Variants in LSAMP observed in about 807,000 individuals in gnomAD.
LSAMP encodes the protein limbic system-associated membrane protein.
A neutral mutation model predicts 38.6 loss-of-function variants in LSAMP; 7 were observed. The observed-to-expected ratio is 0.18, with a 90% confidence interval of 0.10 to 0.34. LSAMP has a LOEUF of 0.34. Among genes scored for constraint, LSAMP ranks in the 10% least tolerant of loss-of-function variants. LSAMP has a pLI of 1.00. For synonymous variants in LSAMP, 154 were observed against 166.8 expected (o/e 0.92, Z 0.59); for missense variants, 313 against 420.0 (o/e 0.75, Z 2.23).
At chr3:116,325,572 A>C (rs1355782457) in intron 1 of LSAMP, among the ~76,000 whole-genome samples, 1 of 152,184 alleles carries the variant, frequency 6.6e-6, no homozygotes, top group Non-Finnish European at 1.5e-5. Flanking sequence ...CAAAGCTGAA[A>C]TGACATATAT....
At chr3:116,320,317 G>A (rs1043090325) in intron 1 of LSAMP, among the ~76,000 whole-genome samples, 2 of 152,124 alleles carry the variant, frequency 1.3e-5, no homozygotes, top group Admixed American at 1.3e-4. Context: ...GGAGCCTGAG[G>A]CAGGAGAACT....
At chr3:115,818,822 A>ATATATAT (rs55828725) in intron 6 of LSAMP, among the ~76,000 whole-genome samples, 26 of 125,134 alleles carry the variant, frequency 2.1e-4, no homozygotes, top group Non-Finnish European at 2.9e-4. Context: ...ATATATATAT[A>ATATATAT]ACTGCAGCAA....
chr3:115,876,666 G>A (rs1256993273), intron 3 of LSAMP, among the ~76,000 whole-genome samples: 1 of 151,982 alleles, frequency 6.6e-6, no homozygotes, highest in African/African-American at 2.4e-5. Context: ...TCCTCATCCA[G>A]CGCTTTCTAG....
intron 1 of LSAMP, among the ~76,000 whole-genome samples, chr3:116,189,989 G>A (rs1160674919): frequency 6.6e-6 from 1 of 151,558 alleles, no homozygotes; most frequent in Non-Finnish European, 1.5e-5. Flanking sequence ...TGTTGTATAT[G>A]GTAAATATGT....
At chr3:116,050,362 A>T (rs962874792) in intron 2 of LSAMP, among the ~76,000 whole-genome samples, 2 of 151,470 alleles carry the variant, frequency 1.3e-5, no homozygotes, top group African/African-American at 2.4e-5. Flanking sequence ...TGATTTCCTT[A>T]CCCCCTGCCT....
At chr3:115,979,561 A>T (rs1211577751) in intron 3 of LSAMP, among the ~76,000 whole-genome samples, 1 of 152,162 alleles carries the variant, frequency 6.6e-6, no homozygotes, top group Non-Finnish European at 1.5e-5. Context: ...TGGGCCCAGA[A>T]ATATAAGCAG....
chr3:115,956,164 T>C (rs1302124470), intron 3 of LSAMP, among the ~76,000 whole-genome samples: 3 of 151,894 alleles, frequency 2.0e-5, no homozygotes, highest in Non-Finnish European at 4.4e-5. Flanking sequence ...TATCTCCATA[T>C]AGCTGTAAAG....
At chr3:116,287,141 T>C (rs2047205507) in intron 1 of LSAMP, among the ~76,000 whole-genome samples, 1 of 152,070 alleles carries the variant, frequency 6.6e-6, no homozygotes, top group Non-Finnish European at 1.5e-5. Context: ...TAAGACTTGG[T>C]GATGTGTGTG....
chr3:116,059,667 A>G lies in LSAMP; in HGVS notation c.388+26657T>C, dbSNP rs1254125598. On this transcript the variant is annotated intron_variant, in intron 2 of 6. Transcript: ENST00000490035. ...TTTCATAGAAACTTCAGCTTAGACA[A>G]TCTATGAGCCTTCACACACAAGCAG... 2.0e-5 allele frequency among the ~76,000 whole-genome samples: 3 copies of G among 152,196 alleles called. No homozygotes were observed. In the East Asian group the frequency reaches 5.8e-4, roughly 29 times the overall value.
chr3:115,944,916 C>G (rs1031379210), intron 3 of LSAMP, among the ~76,000 whole-genome samples: 3 of 152,134 alleles, frequency 2.0e-5, no homozygotes, highest in African/African-American at 7.2e-5. Context: ...AATAGTTTCT[C>G]TATGTATATT....
At chr3:116,047,177 G>A (rs1237847004) in intron 2 of LSAMP, among the ~76,000 whole-genome samples, 2 of 151,998 alleles carry the variant, frequency 1.3e-5, no homozygotes, top group African/African-American at 4.8e-5. Context: ...CTCTCTCAAC[G>A]AATACATTTA....
chr3:115,994,221 T>A (rs1426477961), intron 3 of LSAMP, among the ~76,000 whole-genome samples: 3 of 151,922 alleles, frequency 2.0e-5, no homozygotes, highest in African/African-American at 7.3e-5. Flanking sequence ...AATAACCAAA[T>A]AAAAAAGTCA....
chr3:116,429,721 A>G (rs558775210), intron 1 of LSAMP, among the ~76,000 whole-genome samples: 6 of 152,132 alleles, frequency 3.9e-5, no homozygotes, highest in Non-Finnish European at 8.8e-5. Context: ...GAGGGAGCAA[A>G]AATTGCAGAG....
In LSAMP at chr3:116,430,162, A is replaced by C. The variant is rs968408401; in HGVS notation, c.155+14715T>G. ...GATACTGCTCTACCCAGAAAGATGA[A>C]AGGCCTAAATAGATCTTCAGTCTTA... On this transcript the variant is annotated intron_variant, in intron 1 of 6. Transcript: ENST00000490035. 2.0e-5 allele frequency among the ~76,000 whole-genome samples: 3 copies of C among 152,182 alleles called. No homozygotes were observed. In the South Asian group the frequency reaches 6.2e-4, roughly 31 times the overall value.
At chr3:116,390,348 A>T (rs1369653904) in intron 1 of LSAMP, among the ~76,000 whole-genome samples, 5 of 152,156 alleles carry the variant, frequency 3.3e-5, no homozygotes, top group African/African-American at 1.2e-4. Context: ...AATTCTTCCC[A>T]GTTCAGTTAG....
At chr3:116,175,800 A>G (rs1431404740) in intron 1 of LSAMP, among the ~76,000 whole-genome samples, 2 of 152,094 alleles carry the variant, frequency 1.3e-5, no homozygotes, top group African/African-American at 4.8e-5. Context: ...AGACATTTCT[A>G]TGCTAAGAAG....
intron 2 of LSAMP, among the ~76,000 whole-genome samples, chr3:116,060,745 A>G (rs1422829938): frequency 6.6e-6 from 1 of 152,110 alleles, no homozygotes. Flanking sequence ...GGGCAACAAG[A>G]GTGAAACTCC....
chr3:116,271,242 A>G (rs546117646), intron 1 of LSAMP, among the ~76,000 whole-genome samples: 2 of 152,140 alleles, frequency 1.3e-5, no homozygotes, highest in African/African-American at 2.4e-5. Context: ...ACTTTTTTCA[A>G]TTTAAAAATA....
chr3:116,370,464 T>G (rs965391405), intron 1 of LSAMP, among the ~76,000 whole-genome samples: 3 of 152,178 alleles, frequency 2.0e-5, no homozygotes, highest in African/African-American at 7.2e-5. Flanking sequence ...CGGGAAAGGC[T>G]TGAAGAGTAA....
Sources: gnomAD v4.1 joint callset for allele counts (sites outside exome capture counted in the v4.1 genomes callset) on GRCh38, gnomAD v4.1.1 for gene constraint, MANE v1.5 for transcripts, NCBI Gene and HGNC (gene_info 2026-07-23, HGNC 2026-07-21) for gene names.